MAST1: variants seen among roughly 807,000 people sequenced by gnomAD.
The protein encoded by MAST1 is microtubule-associated serine/threonine-protein kinase 1.
Under a neutral mutation model 124.6 loss-of-function variants are expected in MAST1, and 40 were observed. That is an observed-to-expected ratio of 0.32 (90% CI 0.25 to 0.42). The LOEUF (loss-of-function observed/expected upper bound fraction) is 0.42, where lower values mean the gene tolerates loss of function less well. Ranked by LOEUF, MAST1 falls within the 10% of genes least tolerant of loss-of-function variation. The pLI is 1.00. For synonymous variants in MAST1, 938 were observed against 939.4 expected (o/e 1.00, Z 0.03); for missense variants, 1,558 against 2,181.9 (o/e 0.71, Z 5.70).
At chr19:12,868,102 G>GGTTTTTTTTTTTTTTTTTTTTT (rs1568414424) in intron 20 of MAST1, 125 bp downstream of exon 20, 1 of 533,860 alleles carries the variant, frequency 1.9e-6, no homozygotes, top group Non-Finnish European at 2.5e-6. Context: ...TGCAATTTGG[G>GGTTTTTTTTTTTTTTTTTTTTT]ATTTTTTTTT....
chr19:12,847,730 T>G lies in MAST1; in HGVS notation c.564+43T>G, dbSNP rs756012814. On this transcript the variant is annotated intron_variant, in intron 6 of 25. Transcript: ENST00000251472. The surrounding 1 kb of genome is among the most constrained non-coding windows in gnomAD (Gnocchi z 5.5). ...GCGGTCACGGGGTGACCAGGCGGCC[T>G]GCACTCTCGCTCGCCTTATCCCCGC... 1.2e-6 allele frequency: 2 copies of G among 1,604,424 alleles called. No individual in the cohort carries two copies. Among genetic ancestry groups the G allele is most frequent in the Middle Eastern group, 1.8e-4 (1 of 5,434 alleles).
At chr19:12,856,162 A>G (rs1461753576) in intron 10 of MAST1, among the ~76,000 whole-genome samples, 13 of 152,102 alleles carry the variant, frequency 8.5e-5, no homozygotes, top group Admixed American at 7.2e-4. Context: ...TTTATGTAAT[A>G]TCTATGTAAT....
chr19:12,858,006 C>CAAAAAAAAAAAAAAAAAAAAAAAA (rs539497049), intron 10 of MAST1, among the ~76,000 whole-genome samples: 5 of 49,446 alleles, frequency 1.0e-4, no homozygotes, highest in African/African-American at 2.8e-4. Context: ...GAACCTATCT[C>CAAAAAAAAAAAAAAAAAAAAAAAA]AAAAAAAAAA....
rs1568413330 is a variant in MAST1, at chr19:12,865,459, G to A, written c.1782G>A (p.Glu594=). Residue 594 remains glutamate (E), a synonymous_variant, in exon 15 of 26, where the codon GAG becomes GAA. Coordinates refer to ENST00000251472, the MANE Select transcript of MAST1 (RefSeq NM_014975.3). This position sits in a 1 kb window ranked among gnomAD's most constrained non-coding sequence, Gnocchi z 7.1. ...CCTTCTTCGGAGACACACCAGAGGA[G>A]CTATTTGGACAGGTCATCAGTGGTA... ...CVPFFGDTPE[E]LFGQVISDDI... 6.3e-7 allele frequency: 1 copy of A among 1,594,468 alleles called. No homozygotes were observed. The highest frequency in any genetic ancestry group is 8.5e-7 in the Non-Finnish European group (1 of 1,170,812).
rs1225994074 is a variant in MAST1, at chr19:12,873,436, GGCTCGCCTACGCACGGGCTGCCGGCGC to G, written c.3384_3410del (p.Gly1131_His1139del). ...GCTGTCATCCAGCGATAGTCTCCCG[GGCTCGCCTACGCACGGGCTGCCGGCGC>G]GCTCGCCCACGCACAGCTACCGCTC... On this transcript the variant is annotated inframe_deletion, in exon 25 of 26. Coordinates refer to ENST00000251472, the MANE Select transcript of MAST1 (RefSeq NM_014975.3). 3.7e-6 allele frequency: 6 copies of G among 1,612,814 alleles called. No individual in the cohort carries two copies. Among genetic ancestry groups the G allele is most frequent in the African/African-American group, 1.3e-5 (1 of 74,928 alleles).
In MAST1 at chr19:12,873,909, A is replaced by G. The variant is rs1970274225; in HGVS notation, c.3752A>G (p.Lys1251Arg). Residue 1251 changes from lysine (K) to arginine (R), a missense_variant, in exon 26 of 26, where the codon AAG becomes AGG. By Grantham distance (26) the Lys-to-Arg change is conservative. Transcript: ENST00000251472. ...CCTCCCGTCGTGCGCCCGCGCCCCA[A>G]GAGTGCCGAGCCCCCTCGCTCGCCG... is the stretch of plus-strand genomic sequence containing the variant. The part of the protein sequence containing the change: ...SSPPVVRPRP[K>R]SAEPPRSPLL... The G allele has an allele frequency of 1.3e-6, 2 of 1,584,118 alleles. No homozygotes were observed. Among genetic ancestry groups the G allele is most frequent in the South Asian group, 1.1e-5 (1 of 88,544 alleles).
chr19:12,860,275 C>T (rs986315012), intron 12 of MAST1, among the ~76,000 whole-genome samples: 8 of 150,746 alleles, frequency 5.3e-5, no homozygotes, highest in African/African-American at 9.8e-5. Flanking sequence ...CCACCATGCC[C>T]GACTAATTTT....
At chr19:12,854,749 T>G (rs1478438950) in intron 10 of MAST1, among the ~76,000 whole-genome samples, 1 of 152,162 alleles carries the variant, frequency 6.6e-6, no homozygotes, top group Non-Finnish European at 1.5e-5. Flanking sequence ...TATGTTTAAC[T>G]TATAGAGGAA....
intron 4 of MAST1, among the ~76,000 whole-genome samples, chr19:12,845,271 C>T (rs577786543): frequency 1.3e-5 from 2 of 151,774 alleles, no homozygotes; most frequent in Non-Finnish European, 2.9e-5. Context: ...CCACTGCACT[C>T]CAGCCTGGGT....
At chr19:12,860,329 G>T (rs1223183801) in intron 12 of MAST1, among the ~76,000 whole-genome samples, 1 of 151,732 alleles carries the variant, frequency 6.6e-6, no homozygotes. Flanking sequence ...TGTTGGCCAG[G>T]ATGGTCTCGA....
rs1226335799 is a variant in MAST1 at position 12,874,866 on chromosome 19, C to T, written c.4709C>T (p.Pro1570Leu). The T allele has an allele frequency of 1.9e-6, 3 of 1,597,406 alleles. No individual in the cohort carries two copies. Among genetic ancestry groups the T allele is most frequent in the Non-Finnish European group, 2.6e-6 (3 of 1,173,756 alleles). ...KGVSSPAPPG[P>L] is the part of the protein sequence containing the mutation. The stretch of plus-strand genomic sequence containing the variant: ...GTGTCCAGTCCCGCACCCCCGGGAC[C>T]ATAGCCAAGGGGGTCATCGGCCCCG... Residue 1570 changes from proline (P) to leucine (L), a missense_variant, in exon 26 of 26, where the codon CCA becomes CTA. Pro to Leu is a moderately conservative substitution (Grantham distance 98). Coordinates refer to ENST00000251472, the MANE Select transcript of MAST1 (RefSeq NM_014975.3). The surrounding 1 kb of genome is among the most constrained non-coding windows in gnomAD (Gnocchi z 6.6).
At chr19:12,868,515 T>C in intron 20 of MAST1, 128 bp from the exon 21 acceptor site, 1 of 764,366 alleles carries the variant, frequency 1.3e-6, no homozygotes, top group South Asian at 1.7e-5. Context: ...GCATGCAGGT[T>C]ACCTGCTCAG....
intron 19 of MAST1, 32 bp downstream of exon 19, chr19:12,867,684 G>T: frequency 6.5e-7 from 1 of 1,540,354 alleles, no homozygotes; most frequent in Non-Finnish European, 8.7e-7. Flanking sequence ...TTTGGGGGCG[G>T]GGTCGAAGGG....
chr19:12,858,509 T>G (rs1359737903), intron 11 of MAST1, 22 bp from the exon 12 acceptor site: 5 of 1,612,704 alleles, frequency 3.1e-6, no homozygotes, highest in Non-Finnish European at 4.2e-6. Context: ...TGACGGCCGG[T>G]CCTCGCTCTC....
At chr19:12,862,770 C>A (rs897035840) in intron 12 of MAST1, among the ~76,000 whole-genome samples, 1 of 150,986 alleles carries the variant, frequency 6.6e-6, no homozygotes, top group African/African-American at 2.4e-5. Context: ...CGGGTTCAAG[C>A]GATTCTCCTG....
intron 7 of MAST1, chr19:12,848,382 G>T (rs1300104088): frequency 3.5e-6 from 1 of 289,670 alleles, no homozygotes; most frequent in African/African-American, 2.2e-5. Flanking sequence ...CACTTTGGGA[G>T]GCCGAGGGGG....
intron 4 of MAST1, among the ~76,000 whole-genome samples, chr19:12,845,883 TCCTGA>T (rs1414574240): frequency 1.3e-5 from 2 of 152,064 alleles, no homozygotes; most frequent in Non-Finnish European, 2.9e-5. Flanking sequence ...GGTCTAGAAC[TCCTGA>T]CCTCAGTTTT....
At chr19:12,868,394 C>T (rs1970189994) in intron 20 of MAST1, among the ~76,000 whole-genome samples, 1 of 151,986 alleles carries the variant, frequency 6.6e-6, no homozygotes, top group African/African-American at 2.4e-5. Context: ...CAGTCGTGAG[C>T]CACCACACCC....
intron 10 of MAST1, among the ~76,000 whole-genome samples, chr19:12,856,883 T>C (rs1970023514): frequency 6.6e-6 from 1 of 152,208 alleles, no homozygotes; most frequent in Admixed American, 6.6e-5. Context: ...GTAAAATTGC[T>C]GAGTCAAAGG....
Sources: gnomAD v4.1 joint callset for allele counts (sites outside exome capture counted in the v4.1 genomes callset) on GRCh38, gnomAD v4.1.1 for gene constraint, Gnocchi (gnomAD v3.1) non-coding constraint, MANE v1.5 for transcripts, NCBI Gene and HGNC (gene_info 2026-07-23, HGNC 2026-07-21) for gene names.